ATP8B4: variants seen among roughly 807,000 people sequenced by gnomAD.
The protein encoded by ATP8B4 is ATPase phospholipid transporting 8B4 (putative).
ATP8B4 carries 133 observed loss-of-function variants against 145.6 expected under a neutral mutation model. The ratio of observed to expected loss-of-function variants is 0.91; its 90% CI spans 0.79 to 1.05. The LOEUF is 1.05. ATP8B4 is among the 50% of genes least tolerant of loss of function. ATP8B4 has a pLI of 0.00. For missense variants in ATP8B4, 1,458 were observed against 1,425.2 expected (o/e 1.02, Z -0.37); for synonymous variants, 507 against 492.9 (o/e 1.03, Z -0.38).
At chr15:50,158,032 C>G (rs2044448947) in intron 1 of ATP8B4, among the ~76,000 whole-genome samples, 1 of 152,236 alleles carries the variant, frequency 6.6e-6, no homozygotes, top group African/African-American at 2.4e-5. Context: ...GCCGGGATTG[C>G]AGACGGAGTC....
At chr15:50,167,840 G>A (rs973762782) in intron 1 of ATP8B4, among the ~76,000 whole-genome samples, 1 of 152,144 alleles carries the variant, frequency 6.6e-6, no homozygotes, top group Non-Finnish European at 1.5e-5. Context: ...TCTGTACATA[G>A]TATACTTTAA....
chr15:49,996,362 T>A (rs557964749), intron 9 of ATP8B4, among the ~76,000 whole-genome samples: 1 of 152,118 alleles, frequency 6.6e-6, no homozygotes, highest in Admixed American at 6.6e-5. Context: ...GGGTGGCCAA[T>A]ATTTCTCCCC....
intron 18 of ATP8B4, 60 bp from the exon 19 acceptor site, chr15:49,919,010 T>TGTGAGTGAAATCCATAG: frequency 8.1e-7 from 1 of 1,232,930 alleles, no homozygotes; most frequent in Non-Finnish European, 1.2e-6. Flanking sequence ...CTATAACATC[T>TGTGAGTGAAATCCATAG]ATGGATTTCA....
chr15:50,168,358 G>C (rs2044623498), intron 1 of ATP8B4, among the ~76,000 whole-genome samples: 1 of 152,102 alleles, frequency 6.6e-6, no homozygotes, highest in Non-Finnish European at 1.5e-5. Flanking sequence ...TACTGTGAGT[G>C]CCCCAACTGC....
intron 6 of ATP8B4, chr15:50,019,002 C>A: frequency 9.1e-7 from 1 of 1,093,638 alleles, no homozygotes; most frequent in Non-Finnish European, 1.2e-6. Flanking sequence ...AAACAAAGTT[C>A]GAGTCAATGT....
At chr15:49,959,118 C>A (rs1164345871) in intron 14 of ATP8B4, among the ~76,000 whole-genome samples, 1 of 151,754 alleles carries the variant, frequency 6.6e-6, no homozygotes, top group East Asian at 1.9e-4. Flanking sequence ...AACAGTTTAA[C>A]ATGACAAGTG....
In ATP8B4 at chr15:50,114,103, CTTTTTT is replaced by C. The variant is rs755159123; in HGVS notation, c.-43+5014_-43+5019del. 1.2e-3 allele frequency among the ~76,000 whole-genome samples: 68 copies of C among 55,652 alleles called. 1 individual carries two copies. Among genetic ancestry groups the C allele is most frequent in the Middle Eastern group, 0.028 (1 of 36 alleles). The allele number at this position is 55,652 out of a possible 152,430, so 36.5% of individuals were successfully genotyped here. A position where few individuals can be genotyped will look rare whatever the true frequency, so the allele number is the denominator to read the frequency against. On this transcript the variant is annotated intron_variant, in intron 1 of 27. Transcript: ENST00000284509. ...ATTTTCCTTCTTGGTCTCCTAGTTT[CTTTTTT>C]TTTTTTTTTTTTTTTTTTTAATTTT...
chr15:50,094,840 T>G (rs912108729), intron 2 of ATP8B4, among the ~76,000 whole-genome samples: 3 of 151,856 alleles, frequency 2.0e-5, no homozygotes, highest in African/African-American at 7.3e-5. Context: ...CTTTCATGGT[T>G]TTTCTGCCTT....
chr15:50,148,994 T>C (rs967437181), intron 1 of ATP8B4, among the ~76,000 whole-genome samples: 2 of 152,240 alleles, frequency 1.3e-5, no homozygotes, highest in African/African-American at 4.8e-5. Context: ...CTCAAAAAGA[T>C]AAGTATCCCT....
intron 21 of ATP8B4, 93 bp from the exon 22 acceptor site, chr15:49,898,344 CATTTGTTTGCTAAACCAT>C: frequency 7.7e-7 from 1 of 1,292,690 alleles, no homozygotes; most frequent in Admixed American, 2.3e-5. Flanking sequence ...AAAACCATTT[CATTTGTTTGCTAAACCAT>C]TTCATTCACT....
chr15:49,876,220 A>G (rs1356536080), intron 25 of ATP8B4, 58 bp downstream of exon 25: 1 of 1,567,208 alleles, frequency 6.4e-7, no homozygotes, highest in Non-Finnish European at 8.7e-7. Flanking sequence ...TCAATCAACA[A>G]TGAAATAGTA....
chr15:49,939,689 T>C (rs2042011297), intron 14 of ATP8B4, among the ~76,000 whole-genome samples: 1 of 152,194 alleles, frequency 6.6e-6, no homozygotes, highest in African/African-American at 2.4e-5. Flanking sequence ...GAAAAGCTGG[T>C]ACCAATTCTA....
chr15:50,015,774 C>T (rs144324187), intron 6 of ATP8B4, among the ~76,000 whole-genome samples: 82 of 152,302 alleles, frequency 5.4e-4, no homozygotes, highest in African/African-American at 1.8e-3. Context: ...GATCTCACTA[C>T]GTTGAGAATG....
intron 2 of ATP8B4, among the ~76,000 whole-genome samples, chr15:50,088,355 A>AT (rs2055359567): frequency 1.3e-5 from 2 of 151,658 alleles, no homozygotes; most frequent in Non-Finnish European, 2.9e-5. Context: ...AAAAAAAAAA[A>AT]CAAAAAACAA....
At chr15:50,168,832 C>T (rs926460973) in intron 1 of ATP8B4, among the ~76,000 whole-genome samples, 4 of 152,098 alleles carry the variant, frequency 2.6e-5, no homozygotes, top group African/African-American at 4.8e-5. Context: ...GACTTGGGGC[C>T]GTTGGTGGGG....
Position 49,934,117 on chromosome 15 carries a change from G to T in ATP8B4, c.1353C>A (p.His451Gln). The T allele has an allele frequency of 6.2e-7, 1 of 1,612,652 alleles. No individual in the cohort carries two copies. The highest frequency in any genetic ancestry group is 8.5e-7 in the Non-Finnish European group (1 of 1,179,196). ...QADREFQFFD[H>Q]HLMESIKMGD... ...CCATTTTAATGGATTCCATCAGATG[G>T]TGGTCAAAGAACTGAAATTCTCTAT... Residue 451 changes from histidine (H) to glutamine (Q), a missense_variant, in exon 15 of 28, where the codon CAC becomes CAA. His to Gln is a conservative substitution (Grantham distance 24). Transcript: ENST00000284509.
chr15:50,151,375 A>G (rs1567408501), intron 1 of ATP8B4, among the ~76,000 whole-genome samples: 1 of 152,184 alleles, frequency 6.6e-6, no homozygotes, highest in African/African-American at 2.4e-5. Context: ...GATTTTACCT[A>G]TAGTCTTAAG....
chr15:50,106,892 T>C (rs1165245250), intron 2 of ATP8B4, 47 bp downstream of exon 2: 2 of 1,548,102 alleles, frequency 1.3e-6, no homozygotes, highest in East Asian at 2.3e-5. Flanking sequence ...ATTAAAATTA[T>C]ATTTTTAAAA....
chr15:50,085,175 A>T (rs950344379), intron 2 of ATP8B4, among the ~76,000 whole-genome samples: 7 of 152,200 alleles, frequency 4.6e-5, no homozygotes, highest in African/African-American at 1.7e-4. Flanking sequence ...ACCAGAGGCC[A>T]AGTTACCATG....
Sources: gnomAD v4.1 joint callset for allele counts (sites outside exome capture counted in the v4.1 genomes callset) on GRCh38, gnomAD v4.1.1 for gene constraint, MANE v1.5 for transcripts, NCBI Gene and HGNC (gene_info 2026-07-23, HGNC 2026-07-21) for gene names.